The following AUTS2 variants were observed in gnomAD, a reference collection of about 807,000 sequenced individuals.
AUTS2 encodes activator of transcription and developmental regulator AUTS2, also known as autism susceptibility gene 2 protein.
AUTS2 carries 17 observed loss-of-function variants against 112.4 expected under a neutral mutation model. The ratio of observed to expected loss-of-function variants is 0.15; its 90% CI spans 0.10 to 0.23. The LOEUF is 0.23. AUTS2 is among the 10% of genes least tolerant of loss of function. The pLI is 1.00. For synonymous variants in AUTS2, 751 were observed against 702.7 expected (o/e 1.07, Z -1.09); for missense variants, 1,510 against 1,701.6 (o/e 0.89, Z 1.98).
chr7:69,958,236 G>GT lies in AUTS2; in HGVS notation c.522+58741dup, dbSNP rs765016293. 3.3e-5 allele frequency among the ~76,000 whole-genome samples: 5 copies of GT among 152,182 alleles called. No homozygotes were observed. The East Asian group carries it at 7.7e-4, about 24-fold the overall frequency. The stretch of plus-strand genomic sequence containing the variant: ...TATTGGAACATACCTGTACCCCTTG[G>GT]TTTATGTATCTTCTGTGGCTGCTTC... On this transcript the variant is annotated intron_variant, in intron 2 of 18. Coordinates refer to ENST00000342771, the MANE Select transcript of AUTS2 (RefSeq NM_015570.4).
At chr7:70,344,795 G>T (rs1172185916) in intron 4 of AUTS2, among the ~76,000 whole-genome samples, 1 of 152,104 alleles carries the variant, frequency 6.6e-6, no homozygotes, top group Admixed American at 6.6e-5. Context: ...TACCAATACT[G>T]CTTGCAACTC....
intron 4 of AUTS2, among the ~76,000 whole-genome samples, chr7:70,177,340 G>T (rs948102730): frequency 1.3e-5 from 2 of 152,070 alleles, no homozygotes; most frequent in South Asian, 4.1e-4. Flanking sequence ...CCTGTGAGTC[G>T]CCATATAGCT....
chr7:69,646,957 G>T (rs1795051044), intron 1 of AUTS2, among the ~76,000 whole-genome samples: 1 of 151,976 alleles, frequency 6.6e-6, no homozygotes, highest in African/African-American at 2.4e-5. Flanking sequence ...GCGTAGTGGC[G>T]GGCGCCTGTA....
chr7:70,412,353 G>A (rs985342970), intron 4 of AUTS2, among the ~76,000 whole-genome samples: 2 of 152,146 alleles, frequency 1.3e-5, no homozygotes, highest in Non-Finnish European at 1.5e-5. Context: ...TCAAGTTTGG[G>A]AAAGTAAAGA....
At chr7:70,634,548 G>A (rs980797090) in intron 5 of AUTS2, among the ~76,000 whole-genome samples, 1 of 152,196 alleles carries the variant, frequency 6.6e-6, no homozygotes, top group Non-Finnish European at 1.5e-5. Flanking sequence ...ATTCAGAGCT[G>A]TTGGCCTGGC....
At chr7:70,137,041 C>A (rs529163917) in intron 4 of AUTS2, among the ~76,000 whole-genome samples, 3 of 152,192 alleles carry the variant, frequency 2.0e-5, no homozygotes, top group Non-Finnish European at 4.4e-5. Flanking sequence ...TGTAGTGATA[C>A]ATTCAAGGGT....
chr7:70,451,602 T>C (rs1292322896), intron 5 of AUTS2, among the ~76,000 whole-genome samples: 1 of 152,194 alleles, frequency 6.6e-6, no homozygotes, highest in African/African-American at 2.4e-5. Context: ...TGTGTTAAAG[T>C]ACCATATATA....
rs72307911 is a variant in AUTS2 at position 70,615,565 on chromosome 7, C to CTTCTTGTTG, written c.691-83002_691-83001insCTTGTTGTT. Among the ~76,000 whole-genome samples, 6 of 148,480 alleles carry CTTCTTGTTG rather than the reference C, an allele frequency of 4.0e-5. No homozygotes were observed. The South Asian group carries it at 1.1e-3, about 27-fold the overall frequency. On this transcript the variant is annotated intron_variant, in intron 5 of 18. Transcript: ENST00000342771. ...AAAAAAACCTCTAGAAGATTTATGG[C>CTTCTTGTTG]TTGTTGTTGTTGTTGTTGTTGTTGT...
chr7:69,777,047 C>A (rs989882487), intron 1 of AUTS2, among the ~76,000 whole-genome samples: 12 of 152,186 alleles, frequency 7.9e-5, no homozygotes, highest in Admixed American at 7.9e-4. Context: ...TAACCCACTA[C>A]CTTTAATTGT....
intron 2 of AUTS2, among the ~76,000 whole-genome samples, chr7:70,108,516 C>T (rs903207591): frequency 1.3e-4 from 19 of 151,994 alleles, no homozygotes; most frequent in Non-Finnish European, 2.2e-4. Flanking sequence ...CTCTATATCC[C>T]TACACTTCCC....
At chr7:70,080,105 A>G (rs1177752824) in intron 2 of AUTS2, among the ~76,000 whole-genome samples, 1 of 152,150 alleles carries the variant, frequency 6.6e-6, no homozygotes, top group Admixed American at 6.5e-5. Flanking sequence ...ACACATTCAA[A>G]CCATAGCACT....
chr7:70,246,832 A>C (rs1341575562), intron 4 of AUTS2, among the ~76,000 whole-genome samples: 1 of 152,028 alleles, frequency 6.6e-6, no homozygotes, highest in Non-Finnish European at 1.5e-5. Context: ...TGAATATAAT[A>C]TTTATCTTTA....
chr7:69,727,518 AG>A (rs1200365871), intron 1 of AUTS2, among the ~76,000 whole-genome samples: 1 of 152,202 alleles, frequency 6.6e-6, no homozygotes, highest in Non-Finnish European at 1.5e-5. Context: ...TGAACCTGGG[AG>A]GCGGAGGTTG....
At chr7:70,113,650 G>A (rs1426734415) in intron 2 of AUTS2, among the ~76,000 whole-genome samples, 2 of 152,178 alleles carry the variant, frequency 1.3e-5, no homozygotes, top group East Asian at 1.9e-4. Context: ...CATTTGGACA[G>A]TCTTCTACAT....
intron 5 of AUTS2, among the ~76,000 whole-genome samples, chr7:70,605,546 C>CTCTTTTTTTTT (rs1554440368): frequency 4.2e-5 from 3 of 70,678 alleles, no homozygotes; most frequent in African/African-American, 2.0e-4. Context: ...CCTTCTTTCT[C>CTCTTTTTTTTT]TTTTTTTTTT....
Position 69,626,373 on chromosome 7 carries a change from G to T in AUTS2, c.309+26411G>T, listed in dbSNP as rs573830868. On this transcript the variant is annotated intron_variant, in intron 1 of 18. Coordinates refer to ENST00000342771, the MANE Select transcript of AUTS2 (RefSeq NM_015570.4). ...CTTTTAAGCTCCAATTTTCTGTTAT[G>T]TTTTACTTAAACCCCGCCTGGTTGC... is the stretch of plus-strand genomic sequence containing the variant. 9.9e-5 allele frequency among the ~76,000 whole-genome samples: 15 copies of T among 151,922 alleles called. No homozygotes were observed. The South Asian group carries it at 2.9e-3, about 30-fold the overall frequency.
intron 1 of AUTS2, among the ~76,000 whole-genome samples, chr7:69,843,548 T>A (rs1480008308): frequency 1.3e-5 from 2 of 152,190 alleles, no homozygotes; most frequent in Non-Finnish European, 2.9e-5. Context: ...AAATTTCCGT[T>A]GAATGAGTAA....
intron 5 of AUTS2, among the ~76,000 whole-genome samples, chr7:70,696,883 CTTCT>C (rs1809142678): frequency 6.6e-6 from 1 of 151,948 alleles, no homozygotes; most frequent in Admixed American, 6.5e-5. Flanking sequence ...TTTTTTTCCC[CTTCT>C]ATCAGTTCAT....
chr7:70,025,964 C>G (rs192312507), intron 2 of AUTS2, among the ~76,000 whole-genome samples: 48 of 152,194 alleles, frequency 3.2e-4, no homozygotes, highest in Admixed American at 2.3e-3. Context: ...AGTTTCTGAA[C>G]TAGGCACGAA....
Sources: allele counts gnomAD v4.1 joint callset (sites outside exome capture counted in the v4.1 genomes callset), GRCh38; gene constraint gnomAD v4.1.1; transcripts MANE v1.5; gene names NCBI Gene and HGNC (gene_info 2026-07-23, HGNC 2026-07-21).